The following MEF2B variants were observed in gnomAD, a reference collection of about 807,000 sequenced individuals.
MEF2B encodes myocyte-specific enhancer factor 2B.
MEF2B carries 15 observed loss-of-function variants against 32.2 expected under a neutral mutation model. The ratio of observed to expected loss-of-function variants is 0.47; its 90% CI spans 0.31 to 0.72. The LOEUF (loss-of-function observed/expected upper bound fraction) is 0.72. Among genes scored for constraint, MEF2B ranks in the 30% least tolerant of loss-of-function variants. The pLI is 0.05. For missense variants in MEF2B, 441 were observed against 511.5 expected, an observed-to-expected ratio of 0.86 and a Z score of 1.33; for synonymous variants, 205 against 225.6, an observed-to-expected ratio of 0.91 and a Z score of 0.82.
chr19:19,152,512 T>C (rs373686203), intron 1 of MEF2B, among the ~76,000 whole-genome samples: 14 of 152,260 alleles, frequency 9.2e-5, no homozygotes, highest in African/African-American at 3.1e-4. Flanking sequence ...GAGACCAGCC[T>C]GGCCAACATG....
chr19:19,163,814 T>C (rs539037413), intron 1 of MEF2B, among the ~76,000 whole-genome samples: 2 of 151,506 alleles, frequency 1.3e-5, no homozygotes, highest in African/African-American at 4.8e-5. Context: ...CCCCTCCACA[T>C]GGCTAATTTT....
At chr19:19,152,612 G>C (rs1281728743) in intron 1 of MEF2B, among the ~76,000 whole-genome samples, 1 of 152,190 alleles carries the variant, frequency 6.6e-6, no homozygotes, top group African/African-American at 2.4e-5. Context: ...GCTGAGGCAG[G>C]AGAATCCCTT....
intron 1 of MEF2B, among the ~76,000 whole-genome samples, chr19:19,165,591 A>G (rs1568555329): frequency 1.3e-5 from 2 of 152,070 alleles, no homozygotes; most frequent in Non-Finnish European, 2.9e-5. Flanking sequence ...AGAGACAGAG[A>G]AGGTCAGAGA....
At chr19:19,149,896 T>C (rs2045674466) in intron 2 of MEF2B, among the ~76,000 whole-genome samples, 1 of 150,596 alleles carries the variant, frequency 6.6e-6, no homozygotes, top group Non-Finnish European at 1.5e-5. Context: ...CTGGGCAACA[T>C]GGTGAGACCC....
intron 8 of MEF2B, 49 bp downstream of exon 8, chr19:19,146,224 G>T (rs1262418691): frequency 1.1e-5 from 10 of 903,566 alleles, no homozygotes; most frequent in East Asian, 3.1e-5. Flanking sequence ...GGTCAGCAGC[G>T]GCCGGGGCTT....
At chr19:19,153,448 T>G (rs1461645018) in intron 1 of MEF2B, among the ~76,000 whole-genome samples, 4 of 152,004 alleles carry the variant, frequency 2.6e-5, no homozygotes, top group Non-Finnish European at 5.9e-5. Context: ...TTCTTTTAAT[T>G]TAATTTATTA....
intron 5 of MEF2B, 21 bp from the exon 6 acceptor site, chr19:19,146,896 G>C: frequency 2.5e-6 from 4 of 1,604,576 alleles, no homozygotes; most frequent in Non-Finnish European, 3.4e-6. Flanking sequence ...GGAGACCCCA[G>C]AGAGAGAGGA....
intron 1 of MEF2B, among the ~76,000 whole-genome samples, chr19:19,154,635 G>C (rs1028291368): frequency 4.6e-5 from 7 of 151,740 alleles, no homozygotes; most frequent in African/African-American, 7.3e-5. Flanking sequence ...GTAGAGACAG[G>C]GTTTTGCCAA....
rs769889362 is a variant in MEF2B, at chr19:19,145,673, C to A, written c.*124G>T. On this transcript the variant is annotated 3_prime_UTR_variant, in exon 9 of 9. Coordinates refer to ENST00000424583, the MANE Select transcript of MEF2B (RefSeq NM_001145785.2). The surrounding 1 kb of genome is among the most constrained non-coding windows in gnomAD (Gnocchi z 4.6). ...TTGAGTCCAGCCGCCCACCTCCAAG[C>A]CCCCACCGCGGAGGGGGGCGTCACT... 4 of 1,541,936 alleles carry A rather than the reference C, an allele frequency of 2.6e-6. No homozygotes were observed. The South Asian group carries it at 3.6e-5, about 14-fold the overall frequency.
At chr19:19,154,094 G>T (rs2060104028) in intron 1 of MEF2B, among the ~76,000 whole-genome samples, 1 of 151,786 alleles carries the variant, frequency 6.6e-6, no homozygotes, top group South Asian at 2.1e-4. Flanking sequence ...GTGGATTTTG[G>T]TCTAAGAGTG....
At chr19:19,152,866 C>G (rs1395547486) in intron 1 of MEF2B, among the ~76,000 whole-genome samples, 1 of 152,222 alleles carries the variant, frequency 6.6e-6, no homozygotes, top group Admixed American at 6.5e-5. Context: ...CAGGCACACC[C>G]TCTGCCCTCT....
In MEF2B at chr19:19,149,218, T is replaced by C. The variant is rs2060052920; in HGVS notation, c.258+8A>G. The C allele has an allele frequency of 1.2e-6, 2 of 1,613,214 alleles. No homozygotes were observed. The highest frequency in any genetic ancestry group is 3.3e-5 in the Admixed American group (2 of 59,918). ...CCTTGTGGGGCTGGGGAGGAGGACC[T>C]GGGGTACCTCGAGGATGTCAGTGTT... On this transcript the variant is annotated splice_region_variant and intron_variant, in intron 3 of 8. Coordinates refer to ENST00000424583, the MANE Select transcript of MEF2B (RefSeq NM_001145785.2).
chr19:19,169,638 C>T (rs1177149838), intron 1 of MEF2B, among the ~76,000 whole-genome samples: 2 of 152,162 alleles, frequency 1.3e-5, no homozygotes, highest in African/African-American at 4.8e-5. Context: ...CTGCCACCAC[C>T]TTGTCATGTG....
intron 3 of MEF2B, 111 bp from the exon 4 acceptor site, chr19:19,147,943 G>C: frequency 6.8e-7 from 1 of 1,468,156 alleles, no homozygotes; most frequent in Non-Finnish European, 9.0e-7. Flanking sequence ...GAGTGGGGAG[G>C]AATGCAGGCA....
intron 1 of MEF2B, among the ~76,000 whole-genome samples, chr19:19,162,756 C>T (rs1218826104): frequency 6.6e-6 from 1 of 152,198 alleles, no homozygotes; most frequent in African/African-American, 2.4e-5. Context: ...CTCCAGGATC[C>T]CATTTTGGCC....
Position 19,147,018 on chromosome 19 carries a change from C to A in MEF2B, c.541+18G>T. On this transcript the variant is annotated intron_variant, in intron 5 of 8. Transcript: ENST00000424583. ...AGCCCCTCAGGACCTCACCCCTGCC[C>A]CACTGTCCCATGCTCACCTGGGGGC... is the stretch of plus-strand genomic sequence containing the variant. 6.3e-7 allele frequency: 1 copy of A among 1,585,034 alleles called. No individual in the cohort carries two copies. Among genetic ancestry groups the A allele is most frequent in the Non-Finnish European group, 8.6e-7 (1 of 1,166,116 alleles).
rs566189454 is a variant in MEF2B at position 19,151,578 on chromosome 19, G to A, written c.-29-814C>T. 7.3e-4 allele frequency among the ~76,000 whole-genome samples: 111 copies of A among 152,196 alleles called. 1 individual carries two copies. Among genetic ancestry groups the A allele is most frequent in the African/African-American group, 2.6e-3 (108 of 41,524 alleles). ...GACGTCCCCTGACACCACAGGGGAC[G>A]TCCCCGCTCCGCCAACTGTGTGACC... On this transcript the variant is annotated intron_variant, in intron 1 of 8. Coordinates refer to ENST00000424583, the MANE Select transcript of MEF2B (RefSeq NM_001145785.2).
chr19:19,155,677 G>A (rs567259369), intron 1 of MEF2B, among the ~76,000 whole-genome samples: 4 of 152,334 alleles, frequency 2.6e-5, no homozygotes, highest in South Asian at 4.1e-4. Flanking sequence ...CAAAGAATGC[G>A]GAGGCGGCAG....
intron 1 of MEF2B, among the ~76,000 whole-genome samples, chr19:19,167,527 C>CAAAGAAAGAAAG (rs375730323): frequency 2.0e-5 from 3 of 151,272 alleles, no homozygotes; most frequent in African/African-American, 7.3e-5. Flanking sequence ...GTCTCAAAAA[C>CAAAGAAAGAAAG]AAAGAAAGAA....
Sources: gnomAD v4.1 joint callset for allele counts (sites outside exome capture counted in the v4.1 genomes callset) on GRCh38, gnomAD v4.1.1 for gene constraint, Gnocchi (gnomAD v3.1) non-coding constraint, MANE v1.5 for transcripts, NCBI Gene and HGNC (gene_info 2026-07-23, HGNC 2026-07-21) for gene names.